The following MYO3A variants were observed in gnomAD, a reference collection of about 807,000 sequenced individuals.
The protein encoded by MYO3A is myosin IIIA.
Under a neutral mutation model 192.7 loss-of-function variants are expected in MYO3A, and 180 were observed. The observed-to-expected ratio is 0.93, with a 90% CI of 0.83 to 1.06. MYO3A has a LOEUF of 1.06. Among genes scored for constraint, MYO3A ranks in the 50% least tolerant of loss-of-function variants. The probability of loss-of-function intolerance (pLI) is 0.00; values close to 1 mark genes in which losing one functional copy is unlikely to be tolerated. For missense variants in MYO3A, 1,896 were observed against 1,905.0 expected, an observed-to-expected ratio of 1.00 and a Z score of 0.09; for synonymous variants, 628 against 645.3, an observed-to-expected ratio of 0.97 and a Z score of 0.41.
intron 7 of MYO3A, among the ~76,000 whole-genome samples, chr10:26,017,903 C>T (rs1308192552): frequency 6.6e-5 from 10 of 150,846 alleles, no homozygotes; most frequent in African/African-American, 2.4e-4. Flanking sequence ...GTTTTTAAAA[C>T]TTACCAAAAA....
rs551268102 is a variant in MYO3A, at chr10:26,101,225, A to C, written c.1776+4543A>C. On this transcript the variant is annotated intron_variant, in intron 17 of 34. Transcript: ENST00000642920. The stretch of plus-strand genomic sequence containing the variant: ...CAGAGACTAGGATTGCAACCCCTGC[A>C]TTTTTTTGTTTTCCATTTGCTTGGT... Among the ~76,000 whole-genome samples the C allele has an allele frequency of 9.5e-3, 1,438 of 151,852 alleles. 22 individuals carry two copies. The highest frequency in any genetic ancestry group is 0.032 in the African/African-American group (1,317 of 41,436).
chr10:26,021,840 A>G (rs1842324457), intron 8 of MYO3A, 192 bp downstream of exon 8: 3 of 698,956 alleles, frequency 4.3e-6, no homozygotes, highest in Non-Finnish European at 7.2e-6. Flanking sequence ...TGGTCTAAGT[A>G]AAAGAGCTTT....
intron 19 of MYO3A, among the ~76,000 whole-genome samples, chr10:26,127,780 ATACT>A (rs1365886626): frequency 6.6e-6 from 1 of 151,752 alleles, no homozygotes; most frequent in Non-Finnish European, 1.5e-5. Flanking sequence ...AGTATTTGAA[ATACT>A]TAATTGTAAA....
At position 26,174,573 on chromosome 10, in the gene MYO3A, A is replaced by G. The variant is rs773977615; in HGVS notation, c.4293+16A>G. The G allele has an allele frequency of 1.3e-6, 2 of 1,596,880 alleles. No individual in the cohort carries two copies. Among genetic ancestry groups the G allele is most frequent in the African/African-American group, 2.7e-5 (2 of 74,514 alleles). The stretch of plus-strand genomic sequence containing the variant: ...TTCAAAACAGGTATGTGAATAAATA[A>G]ATTTATTTACTAATAAAAGTCCCTG... On this transcript the variant is annotated intron_variant, in intron 30 of 34. Coordinates refer to ENST00000642920, the MANE Select transcript of MYO3A (RefSeq NM_017433.5).
At chr10:26,121,830 CA>C (rs111561897) in intron 18 of MYO3A, among the ~76,000 whole-genome samples, 15,387 of 152,192 alleles carry the variant, frequency 0.1, 843 homozygotes, top group Non-Finnish European at 0.12. Flanking sequence ...TGCTTAGGAA[CA>C]GAGTGAGATG....
chr10:26,062,530 A>AAAAAAACAAAAAAAACAAAAAAAAAAG (rs1554816581), intron 10 of MYO3A, among the ~76,000 whole-genome samples: 3 of 125,944 alleles, frequency 2.4e-5, no homozygotes, highest in Non-Finnish European at 5.1e-5. Context: ...AAAAAAAAAA[A>AAAAAAACAAAAAAAACAAAAAAAAAAG]AAATTATGGA....
intron 22 of MYO3A, among the ~76,000 whole-genome samples, chr10:26,146,407 G>A (rs1840467663): frequency 6.6e-6 from 1 of 152,152 alleles, no homozygotes; most frequent in African/African-American, 2.4e-5. Flanking sequence ...AATATCACAG[G>A]CTGCATGACT....
At chr10:25,955,240 C>T (rs1188135929) in intron 4 of MYO3A, among the ~76,000 whole-genome samples, 1 of 151,944 alleles carries the variant, frequency 6.6e-6, no homozygotes, top group African/African-American at 2.4e-5. Flanking sequence ...CAATAAAAGA[C>T]CAAATAAACT....
At chr10:25,978,027 G>T (rs1300210692) in intron 4 of MYO3A, among the ~76,000 whole-genome samples, 1 of 151,884 alleles carries the variant, frequency 6.6e-6, no homozygotes, top group African/African-American at 2.4e-5. Flanking sequence ...TTAATAACAT[G>T]TATAGCAAAC....
At chr10:26,179,113 T>TTTTTTTTTTTTTTG in intron 31 of MYO3A, among the ~76,000 whole-genome samples, 3 of 141,932 alleles carry the variant, frequency 2.1e-5, no homozygotes, top group African/African-American at 8.1e-5. Context: ...TTTTTTTTTT[T>TTTTTTTTTTTTTTG]TTGAGACGGA....
At chr10:26,185,116 A>G (rs1842799454) in intron 31 of MYO3A, among the ~76,000 whole-genome samples, 1 of 152,180 alleles carries the variant, frequency 6.6e-6, no homozygotes, top group South Asian at 2.1e-4. Context: ...TTGCATTGCA[A>G]TATCTTAAGT....
At chr10:26,168,160 T>TA (rs1841855766) in intron 27 of MYO3A, among the ~76,000 whole-genome samples, 1 of 152,174 alleles carries the variant, frequency 6.6e-6, no homozygotes, top group South Asian at 2.1e-4. Flanking sequence ...CTCTTGGCCT[T>TA]ATTCTCTTCA....
chr10:26,017,887 A>G (rs1016749526), intron 7 of MYO3A, among the ~76,000 whole-genome samples: 1 of 151,210 alleles, frequency 6.6e-6, no homozygotes. Context: ...CTGATATATT[A>G]CTAGTGTTTT....
At chr10:26,106,184 A>G (rs952571002) in intron 17 of MYO3A, among the ~76,000 whole-genome samples, 12 of 152,078 alleles carry the variant, frequency 7.9e-5, no homozygotes, top group African/African-American at 2.9e-4. Context: ...AATTAGAATT[A>G]TATTGAATTT....
intron 21 of MYO3A, 72 bp downstream of exon 21, chr10:26,143,673 T>C: frequency 6.4e-7 from 1 of 1,556,062 alleles, no homozygotes; most frequent in Non-Finnish European, 8.9e-7. Context: ...ATTTTTTAAA[T>C]GGCTTTAAAT....
chr10:26,113,493 A>C (rs574795442), intron 17 of MYO3A, among the ~76,000 whole-genome samples: 36 of 152,124 alleles, frequency 2.4e-4, no homozygotes, highest in African/African-American at 8.7e-4. Context: ...AAAAACAAAA[A>C]AAAACTGATT....
At chr10:26,035,539 T>C (rs990661385) in intron 10 of MYO3A, among the ~76,000 whole-genome samples, 7 of 152,236 alleles carry the variant, frequency 4.6e-5, no homozygotes, top group Admixed American at 1.3e-4. Flanking sequence ...TTCCTGTCTT[T>C]ATCATACCAC....
In MYO3A at chr10:26,173,812, A is replaced by T; in HGVS notation, c.3548A>T (p.Asn1183Ile). Residue 1183 changes from asparagine (N) to isoleucine (I), a missense_variant, in exon 30 of 35, where the codon AAC becomes ATC. Asn to Ile is a moderately radical substitution (Grantham distance 149, BLOSUM62 -3). Coordinates refer to ENST00000642920, the MANE Select transcript of MYO3A (RefSeq NM_017433.5). ...ACCACCAATGCTGTGGAGAGTAACA[A>T]CAGAGTGTATCAGACTCCAAAAAAA... is the stretch of plus-strand genomic sequence containing the variant. Reference protein sequence around the residue: ...EETTNAVESNNRVYQTPKKMN... With the variant: ...EETTNAVESNIRVYQTPKKMN... 1 of 1,614,170 alleles carries T rather than the reference A, an allele frequency of 6.2e-7. No individual in the cohort carries two copies. The highest frequency in any genetic ancestry group is 8.5e-7 in the Non-Finnish European group (1 of 1,180,034).
At chr10:26,165,985 C>A in intron 26 of MYO3A, 82 bp from the exon 27 acceptor site, 2 of 1,118,718 alleles carry the variant, frequency 1.8e-6, no homozygotes, top group Non-Finnish European at 2.7e-6. Context: ...TCAGCCCCTG[C>A]ACTAAGTTGT....
Sources: allele counts gnomAD v4.1 joint callset (sites outside exome capture counted in the v4.1 genomes callset), GRCh38; gene constraint gnomAD v4.1.1; transcripts MANE v1.5; gene names NCBI Gene and HGNC (gene_info 2026-07-23, HGNC 2026-07-21).